CPAMD8: variants seen among roughly 807,000 people sequenced by gnomAD.
CPAMD8 encodes C3 and PZP like alpha-2-macroglobulin domain containing 8.
Under a neutral mutation model 224.7 loss-of-function variants are expected in CPAMD8, and 146 were observed. The observed-to-expected ratio is 0.65, with a 90% CI of 0.57 to 0.75. CPAMD8 has a LOEUF of 0.75. CPAMD8 is among the 30% of genes least tolerant of loss of function. CPAMD8 has a pLI of 0.00. For missense variants in CPAMD8, 2,301 were observed against 2,537.5 expected (o/e 0.91, Z 2.00); for synonymous variants, 966 against 1,044.6 (o/e 0.92, Z 1.45).
At chr19:16,923,586 T>A (rs182352164) in intron 26 of CPAMD8, among the ~76,000 whole-genome samples, 5 of 152,332 alleles carry the variant, frequency 3.3e-5, no homozygotes, top group Admixed American at 1.3e-4. Context: ...TCTTTACAGA[T>A]GTCATTAAGG....
chr19:16,922,329 T>G (rs1267327171), intron 26 of CPAMD8, among the ~76,000 whole-genome samples: 1 of 146,816 alleles, frequency 6.8e-6, no homozygotes, highest in Non-Finnish European at 1.5e-5. Context: ...TCTGGGGTTC[T>G]TGAAACTGCC....
At chr19:16,950,884 T>C (rs550762038) in intron 20 of CPAMD8, among the ~76,000 whole-genome samples, 1 of 151,544 alleles carries the variant, frequency 6.6e-6, no homozygotes, top group South Asian at 2.1e-4. Flanking sequence ...CCAGCCCTGA[T>C]GACACCTTGC....
At chr19:16,966,666 T>A (rs554339004) in intron 18 of CPAMD8, among the ~76,000 whole-genome samples, 35 of 151,826 alleles carry the variant, frequency 2.3e-4, no homozygotes, top group Admixed American at 1.9e-3. Context: ...AACAACCCCA[T>A]CAAAAAGTGG....
chr19:16,928,262 C>T (rs549185043), intron 24 of CPAMD8, 28 bp from the exon 25 acceptor site: 83 of 1,594,034 alleles, frequency 5.2e-5, no homozygotes, highest in South Asian at 2.5e-4. Context: ...GGCTGCTGGA[C>T]GCTGGCAGGA....
rs1192621988 is a variant in CPAMD8, at chr19:16,952,194, T to A, written c.2283A>T (p.Pro761=). The A allele has an allele frequency of 6.6e-7, 1 of 1,523,096 alleles. No homozygotes were observed. The allele number at this position is 1,523,096 out of a possible 1,614,324, so 94.3% of individuals were successfully genotyped here. A position where few individuals can be genotyped will look rare whatever the true frequency, so the allele number is the denominator to read the frequency against. ...WIWHCLNISD[P]SGEGTLSVKV... is the part of the protein sequence containing the mutation. ...TCACACTGAGTGTCCCCTCACCAGA[T>A]GGGTCACTGCGGAGAGACAGACAGC... The change falls in exon 20 of 42, where the codon CCA becomes CCT. Residue 761 remains proline, a synonymous_variant. Transcript: ENST00000443236.
intron 27 of CPAMD8, among the ~76,000 whole-genome samples, chr19:16,921,005 C>T (rs2053153834): frequency 6.6e-6 from 1 of 152,024 alleles, no homozygotes; most frequent in South Asian, 2.1e-4. Flanking sequence ...GGGGCCTCTG[C>T]TTGCTAAGAC....
In CPAMD8 at chr19:16,897,679, C is replaced by G; in HGVS notation, c.5065+12G>C. On this transcript the variant is annotated intron_variant, in intron 39 of 41. Transcript: ENST00000443236. Reference sequence around the variant, plus strand: ...GCCGCGGTGGGGGGCGGCAGTGGCTCCGCGCACTCACCCGGGCCCCGGGCA... The same window carrying G: ...GCCGCGGTGGGGGGCGGCAGTGGCTGCGCGCACTCACCCGGGCCCCGGGCA... The G allele has an allele frequency of 6.9e-7, 1 of 1,450,356 alleles. No individual in the cohort carries two copies. Among genetic ancestry groups the G allele is most frequent in the Non-Finnish European group, 9.3e-7 (1 of 1,075,004 alleles). 89.8% of individuals were successfully genotyped at this position (1,450,356 alleles called of 1,614,324 possible).
chr19:16,909,193 TTGAGA>T (rs1412826565), intron 29 of CPAMD8, among the ~76,000 whole-genome samples: 5 of 152,192 alleles, frequency 3.3e-5, no homozygotes, highest in Non-Finnish European at 7.3e-5. Flanking sequence ...ATTAAGAGTC[TTGAGA>T]TGAGATCACC....
At chr19:17,005,746 T>C (rs2056473660) in intron 7 of CPAMD8, among the ~76,000 whole-genome samples, 1 of 152,116 alleles carries the variant, frequency 6.6e-6, no homozygotes, top group Non-Finnish European at 1.5e-5. Flanking sequence ...CCACGGCTTC[T>C]CTCAATCACA....
At chr19:16,939,533 A>G (rs1222575219) in intron 22 of CPAMD8, among the ~76,000 whole-genome samples, 1 of 152,054 alleles carries the variant, frequency 6.6e-6, no homozygotes, top group Non-Finnish European at 1.5e-5. Flanking sequence ...TTAGGTGTCA[A>G]CTGGACTGGG....
chr19:16,927,685 C>T (rs1352091830), intron 25 of CPAMD8, among the ~76,000 whole-genome samples: 2 of 152,214 alleles, frequency 1.3e-5, no homozygotes, highest in Non-Finnish European at 2.9e-5. Context: ...ACTGCCCTCA[C>T]AGGGTTCACT....
intron 12 of CPAMD8, 69 bp from the exon 13 acceptor site, chr19:16,989,840 C>G: frequency 6.9e-7 from 1 of 1,456,438 alleles, no homozygotes; most frequent in Non-Finnish European, 9.5e-7. Flanking sequence ...GGGGATGCTT[C>G]TGCTTGCTCT....
chr19:16,924,062 G>C (rs1182692791), intron 26 of CPAMD8, among the ~76,000 whole-genome samples: 6 of 152,142 alleles, frequency 3.9e-5, no homozygotes, highest in Admixed American at 3.9e-4. Context: ...AGGAACTCCT[G>C]GAGCCAGCAG....
chr19:16,935,622 GCA>G (rs1448457679), intron 23 of CPAMD8, among the ~76,000 whole-genome samples: 2 of 152,182 alleles, frequency 1.3e-5, no homozygotes, highest in Admixed American at 1.3e-4. Flanking sequence ...AGGCTTGAAT[GCA>G]CAGTTTGTTA....
chr19:16,907,238 A>T (rs2052556277), intron 29 of CPAMD8, 121 bp from the exon 30 acceptor site: 21 of 1,236,086 alleles, frequency 1.7e-5, no homozygotes, highest in Non-Finnish European at 2.0e-5. Flanking sequence ...CTTGCTTTGC[A>T]TCCTTCTGTG....
intron 20 of CPAMD8, among the ~76,000 whole-genome samples, chr19:16,951,324 A>G (rs980535499): frequency 4.6e-5 from 7 of 152,160 alleles, no homozygotes; most frequent in Non-Finnish European, 1.0e-4. Flanking sequence ...TGGGCCCACA[A>G]GCTAAAGATG....
rs187122176 is a variant in CPAMD8, at chr19:16,913,927, C to A, written c.3861+497G>T. Among the ~76,000 whole-genome samples, 125 of 152,264 alleles carry A rather than the reference C, an allele frequency of 8.2e-4. 2 individuals carry two copies. In the Middle Eastern group the frequency reaches 0.01, roughly 12 times the overall value. On this transcript the variant is annotated intron_variant, in intron 29 of 41. Coordinates refer to ENST00000443236, the MANE Select transcript of CPAMD8 (RefSeq NM_015692.5). ...TCTCTGCAGAGACTGTGCCATCCCC[C>A]ACCCCAGGAAAGCCTCATAGAAGAG...
chr19:17,013,940 C>T (rs73018336), intron 3 of CPAMD8, among the ~76,000 whole-genome samples: 25,654 of 148,578 alleles, frequency 0.17, 2,909 homozygotes, highest in South Asian at 0.36. Flanking sequence ...CTCTCCCTCC[C>T]TCTCTCCCTC....
Position 16,997,318 on chromosome 19 carries a change from G to A in CPAMD8, c.888C>T (p.Phe296=), listed in dbSNP as rs201540910. Residue 296 remains phenylalanine (F), a synonymous_variant, in exon 11 of 42, where the codon TTC becomes TTT. Coordinates refer to ENST00000443236, the MANE Select transcript of CPAMD8 (RefSeq NM_015692.5). ...GGATCATGTCCCTCACGCAGATGTC[G>A]AAGTCCCGGGAGCCGAGGATCTGGA... is the stretch of plus-strand genomic sequence containing the variant. ...RTTKILGSRD[F]DICVRDMIPA... 3,312 of 1,578,102 alleles carry A rather than the reference G, an allele frequency of 2.1e-3. 1 individual carries two copies. Among genetic ancestry groups the A allele is most frequent in the Non-Finnish European group, 2.5e-3 (2,918 of 1,156,326 alleles).
Sources: gnomAD v4.1 joint callset for allele counts (sites outside exome capture counted in the v4.1 genomes callset) on GRCh38, gnomAD v4.1.1 for gene constraint, MANE v1.5 for transcripts, NCBI Gene and HGNC (gene_info 2026-07-23, HGNC 2026-07-21) for gene names.